Variants in COL21A1 observed in about 807,000 individuals in gnomAD.
COL21A1 encodes the protein collagen type XXI alpha 1 chain.
In COL21A1, 149 loss-of-function variants were observed where a neutral mutation model predicts 137.9. The ratio of observed to expected loss-of-function variants is 1.08; its 90% confidence interval spans 0.95 to 1.24. The LOEUF (loss-of-function observed/expected upper bound fraction) is 1.24. Among genes scored for constraint, COL21A1 ranks in the 50% most tolerant of loss-of-function variants. COL21A1 has a pLI of 0.00. For synonymous variants in COL21A1, 456 were observed against 391.5 expected (o/e 1.16, Z -1.95); for missense variants, 1,167 against 1,158.4 (o/e 1.01, Z -0.11).
intron 23 of COL21A1, among the ~76,000 whole-genome samples, chr6:56,066,634 T>G (rs1316858626): frequency 6.6e-6 from 1 of 151,814 alleles, no homozygotes; most frequent in Non-Finnish European, 1.5e-5. Context: ...CAGATAACTA[T>G]TTCATTGACT....
intron 1 of COL21A1, among the ~76,000 whole-genome samples, chr6:56,314,529 T>G (rs530062412): frequency 7.9e-5 from 12 of 152,168 alleles, no homozygotes; most frequent in Non-Finnish European, 1.8e-4. Context: ...GTAAATTGTC[T>G]GCAACACCTC....
chr6:56,358,910 G>C (rs546346138), intron 1 of COL21A1, among the ~76,000 whole-genome samples: 1 of 151,998 alleles, frequency 6.6e-6, no homozygotes, highest in African/African-American at 2.4e-5. Context: ...GTATAATGTG[G>C]TGTATTTTCC....
chr6:56,191,591 C>A (rs1334764635), intron 1 of COL21A1, among the ~76,000 whole-genome samples: 59 of 121,152 alleles, frequency 4.9e-4, no homozygotes, highest in East Asian at 1.7e-3. Context: ...GACTCTATCT[C>A]AAAAAAAAAA....
intron 1 of COL21A1, among the ~76,000 whole-genome samples, chr6:56,301,720 T>TC (rs1764295866): frequency 6.6e-6 from 1 of 151,872 alleles, no homozygotes. Context: ...TCTTTTTTTT[T>TC]CCATTATACT....
chr6:56,387,875 G>T (rs2152353230), intron 1 of COL21A1, among the ~76,000 whole-genome samples: 1 of 152,318 alleles, frequency 6.6e-6, no homozygotes, highest in Non-Finnish European at 1.5e-5. Context: ...GCAAGCCTTA[G>T]TGCTGACCTG....
At chr6:56,176,751 T>C (rs1777501482) in intron 3 of COL21A1, among the ~76,000 whole-genome samples, 1 of 151,410 alleles carries the variant, frequency 6.6e-6, no homozygotes, top group Admixed American at 6.6e-5. Flanking sequence ...ACATTGTGCT[T>C]ATGATTCACA....
In COL21A1 at chr6:56,283,453, G is replaced by A. The variant is rs1763829606; in HGVS notation, c.-38-100797C>T. Among the ~76,000 whole-genome samples, 7 of 152,026 alleles carry A rather than the reference G, an allele frequency of 4.6e-5. 1 individual carries two copies. The South Asian group carries it at 1.5e-3, about 32-fold the overall frequency. ...AAATAAATTTAGGCACGGAACAAAA[G>A]CATACTTAAAATACACCAAGTTAAC... On this transcript the variant is annotated intron_variant, in intron 1 of 28. Transcript: ENST00000370819.
rs556960404 is a variant in COL21A1 at position 56,070,884 on chromosome 6, A to C, written c.1966-86T>G. 75 of 1,008,402 alleles carry C rather than the reference A, an allele frequency of 7.4e-5. 2 individuals are homozygous for C. In the African/African-American group the frequency reaches 1.2e-3, roughly 16 times the overall value. The allele number at this position is 1,008,402 out of a possible 1,614,324, so 62.5% of individuals were successfully genotyped here. Reference sequence around the variant, plus strand: ...TATAGACACTTAAGGGAATATATGTAAAATAACTTTTACATTTTTAACTTT... The same window carrying C: ...TATAGACACTTAAGGGAATATATGTCAAATAACTTTTACATTTTTAACTTT... On this transcript the variant is annotated intron_variant, in intron 20 of 29. Transcript: ENST00000244728.
chr6:56,061,264 C>T, intron 25 of COL21A1: 1 of 534,688 alleles, frequency 1.9e-6, no homozygotes, highest in Non-Finnish European at 3.3e-6. Flanking sequence ...GTATCCACAA[C>T]TGATTGAGTA....
At chr6:56,187,029 G>A (rs1003557724) in intron 1 of COL21A1, among the ~76,000 whole-genome samples, 1 of 152,308 alleles carries the variant, frequency 6.6e-6, no homozygotes. Flanking sequence ...GCTTTCTGTT[G>A]TTATAACTCA....
Position 56,188,743 on chromosome 6 carries a change from C to T in COL21A1, c.-38-6087G>A, listed in dbSNP as rs149911559. Among the ~76,000 whole-genome samples the T allele has an allele frequency of 5.6e-3, 849 of 152,272 alleles. 9 individuals are homozygous for T. The highest frequency in any genetic ancestry group is 0.019 in the African/African-American group (808 of 41,556). On this transcript the variant is annotated intron_variant, in intron 1 of 29. Transcript: ENST00000244728. ...GAGAAGAGCTCTGGCTGGCATCTGG[C>T]AGGTGCCCCTCTGGGACAAAGCTTC...
At chr6:56,381,339 G>GAT (rs2094008379) in intron 1 of COL21A1, among the ~76,000 whole-genome samples, 1 of 152,176 alleles carries the variant, frequency 6.6e-6, no homozygotes, top group Non-Finnish European at 1.5e-5. Flanking sequence ...CCTAAATTCA[G>GAT]ATATTACCTG....
At chr6:56,262,430 G>A (rs1039776808) in intron 1 of COL21A1, among the ~76,000 whole-genome samples, 2 of 152,020 alleles carry the variant, frequency 1.3e-5, no homozygotes, top group Admixed American at 6.6e-5. Flanking sequence ...ATCTTAGTAT[G>A]AGCTCCCTAG....
At chr6:56,093,660 T>A (rs996626892) in intron 17 of COL21A1, among the ~76,000 whole-genome samples, 4 of 152,178 alleles carry the variant, frequency 2.6e-5, no homozygotes, top group Non-Finnish European at 5.9e-5. Context: ...AGATAGTACA[T>A]AATTGAAGTT....
At chr6:56,057,970 T>C in intron 29 of COL21A1, 126 bp from the exon 30 acceptor site, 1 of 606,382 alleles carries the variant, frequency 1.6e-6, no homozygotes, top group Non-Finnish European at 2.6e-6. Context: ...GCACTAATTA[T>C]ATAGTAGAGG....
At chr6:56,127,041 CTT>C (rs1383087833) in intron 12 of COL21A1, among the ~76,000 whole-genome samples, 1 of 152,134 alleles carries the variant, frequency 6.6e-6, no homozygotes, top group East Asian at 1.9e-4. Context: ...CTCCACATCT[CTT>C]TGAGTTCAAA....
intron 1 of COL21A1, among the ~76,000 whole-genome samples, chr6:56,367,214 A>C (rs562460697): frequency 6.6e-6 from 1 of 152,334 alleles, no homozygotes; most frequent in South Asian, 2.1e-4. Flanking sequence ...TCACTTTCAA[A>C]TGCTGATTGT....
chr6:56,192,512 A>G (rs578007854), intron 1 of COL21A1, among the ~76,000 whole-genome samples: 22 of 152,176 alleles, frequency 1.4e-4, no homozygotes, highest in Admixed American at 3.3e-4. Context: ...CAACCCCATC[A>G]AAAAGTCGAC....
chr6:56,335,100 C>T (rs1243239319), intron 1 of COL21A1, among the ~76,000 whole-genome samples: 2 of 151,922 alleles, frequency 1.3e-5, no homozygotes, highest in African/African-American at 4.8e-5. Context: ...CTAATACTAA[C>T]TGGGCTAACG....
Sources: allele counts gnomAD v4.1 joint callset (sites outside exome capture counted in the v4.1 genomes callset), GRCh38; gene constraint gnomAD v4.1.1; transcripts MANE v1.5; gene names NCBI Gene and HGNC (gene_info 2026-07-23, HGNC 2026-07-21).